SHOC1: variants seen among roughly 807,000 people sequenced by gnomAD.
SHOC1 encodes the protein shortage in chiasmata 1.
Under a neutral mutation model 179.2 loss-of-function variants are expected in SHOC1, and 136 were observed. That is an observed-to-expected ratio of 0.76 (90% CI 0.66 to 0.87). SHOC1 has a LOEUF of 0.87. Ranked by LOEUF, SHOC1 falls within the 40% of genes least tolerant of loss-of-function variation. The probability of loss-of-function intolerance (pLI) is 0.00; values close to 1 mark genes in which losing one functional copy is unlikely to be tolerated. For synonymous variants in SHOC1, 489 were observed against 586.6 expected (o/e 0.83, Z 2.41); for missense variants, 1,538 against 1,700.8 (o/e 0.90, Z 1.68).
intron 2 of SHOC1, 78 bp downstream of exon 2, chr9:111,791,296 T>G: frequency 1.4e-6 from 1 of 730,278 alleles, no homozygotes; most frequent in South Asian, 4.1e-5. Context: ...TAAGGGATAC[T>G]CAACCTATAT....
At chr9:111,746,674 A>T (rs573001847) in intron 9 of SHOC1, among the ~76,000 whole-genome samples, 20 of 152,304 alleles carry the variant, frequency 1.3e-4, no homozygotes, top group Admixed American at 5.2e-4. Flanking sequence ...GTCTCTAAAA[A>T]AAATAAATAA....
chr9:111,714,424 G>T (rs369289835), intron 17 of SHOC1, 21 bp downstream of exon 17: 3 of 1,605,368 alleles, frequency 1.9e-6, no homozygotes, highest in Non-Finnish European at 2.6e-6. Flanking sequence ...TTATTTTACC[G>T]GCTTTATTCC....
intron 24 of SHOC1, 83 bp downstream of exon 24, chr9:111,699,871 T>G (rs1831879271): frequency 1.3e-6 from 1 of 767,058 alleles, no homozygotes; most frequent in Non-Finnish European, 2.2e-6. Flanking sequence ...TGCTTAACAC[T>G]TTTTTCTCAT....
At chr9:111,781,724 GTAAA>G (rs58575917) in intron 3 of SHOC1, among the ~76,000 whole-genome samples, 6 of 135,046 alleles carry the variant, frequency 4.4e-5, no homozygotes, top group Non-Finnish European at 6.6e-5. Context: ...GTGAGACTCT[GTAAA>G]TAAATAAATA....
intron 27 of SHOC1, among the ~76,000 whole-genome samples, chr9:111,690,132 G>T (rs182648420): frequency 7.6e-4 from 116 of 152,176 alleles, no homozygotes; most frequent in African/African-American, 2.7e-3. Flanking sequence ...CATATTAAAA[G>T]AATCTCTTAG....
At chr9:111,744,039 T>G (rs1452443110) in intron 10 of SHOC1, among the ~76,000 whole-genome samples, 2 of 152,230 alleles carry the variant, frequency 1.3e-5, no homozygotes, top group African/African-American at 4.8e-5. Flanking sequence ...TCATAAATTC[T>G]TATTAGATAT....
At chr9:111,776,076 A>G in intron 4 of SHOC1, 101 bp from the exon 5 acceptor site, 2 of 805,428 alleles carry the variant, frequency 2.5e-6, no homozygotes, top group South Asian at 1.7e-5. Flanking sequence ...ATCAAATTCC[A>G]ACAGACACAG....
intron 5 of SHOC1, among the ~76,000 whole-genome samples, chr9:111,773,241 A>AT (rs1435172244): frequency 6.6e-6 from 1 of 152,178 alleles, no homozygotes; most frequent in African/African-American, 2.4e-5. Context: ...ACTGCTTTTT[A>AT]TTGTAAACTT....
At chr9:111,754,505 T>C (rs377066291) in intron 8 of SHOC1, among the ~76,000 whole-genome samples, 25 of 152,288 alleles carry the variant, frequency 1.6e-4, no homozygotes, top group African/African-American at 5.8e-4. Flanking sequence ...TCACACATTG[T>C]TGGTGGGAAT....
At chr9:111,763,177 T>G (rs932177429) in intron 5 of SHOC1, among the ~76,000 whole-genome samples, 1 of 151,088 alleles carries the variant, frequency 6.6e-6, no homozygotes, top group Non-Finnish European at 1.5e-5. Context: ...TGAAGAAAAA[T>G]TTTAAACTTT....
At chr9:111,734,625 G>A (rs1017246963) in intron 12 of SHOC1, among the ~76,000 whole-genome samples, 10 of 152,196 alleles carry the variant, frequency 6.6e-5, no homozygotes, top group East Asian at 3.9e-4. Context: ...TTAGGTTACC[G>A]TTGAACCTGG....
intron 21 of SHOC1, 84 bp downstream of exon 21, chr9:111,705,161 GAA>G (rs1832189614): frequency 5.0e-6 from 1 of 198,068 alleles, no homozygotes; most frequent in African/African-American, 5.1e-5. Context: ...TAGCCTATCA[GAA>G]TATATATACA....
intron 22 of SHOC1, 135 bp from the exon 23 acceptor site, chr9:111,702,361 G>T: frequency 1.7e-6 from 1 of 594,108 alleles, no homozygotes; most frequent in Non-Finnish European, 2.8e-6. Flanking sequence ...CCATTTCATG[G>T]AAAAATTAAA....
At chr9:111,702,479 G>A (rs1193451723) in intron 22 of SHOC1, among the ~76,000 whole-genome samples, 3 of 152,182 alleles carry the variant, frequency 2.0e-5, no homozygotes, top group African/African-American at 7.2e-5. Context: ...TATGAAGAAA[G>A]TAGCCTATGG....
intron 5 of SHOC1, among the ~76,000 whole-genome samples, chr9:111,761,464 T>C (rs2131579052): frequency 6.6e-6 from 1 of 152,240 alleles, no homozygotes; most frequent in South Asian, 2.1e-4. Context: ...ATCACACCAC[T>C]GCACTCCAGC....
chr9:111,710,884 A>G (rs1832513504), intron 18 of SHOC1, among the ~76,000 whole-genome samples: 1 of 152,198 alleles, frequency 6.6e-6, no homozygotes, highest in Non-Finnish European at 1.5e-5. Flanking sequence ...GGTAAGAGTA[A>G]AGAACTATTT....
rs372656232 is a variant in SHOC1, at chr9:111,692,149, T to A, written c.3828A>T (p.Ser1276=). The change falls in exon 27 of 28, where the codon TCA becomes TCT. Residue 1276 remains serine, a synonymous_variant. Coordinates refer to ENST00000682961, the MANE Select transcript of SHOC1 (RefSeq NM_001378211.1). ...QNTPFLINIE[S]RRPAYNSFLN... ...GAAAGGAGTTATAAGCCGGTCTCCT[T>A]GATTCTATATTAATTAGAAAAGGAG... The A allele has an allele frequency of 1.9e-6, 3 of 1,613,644 alleles. No individual in the cohort carries two copies. In the African/African-American group the frequency reaches 4.0e-5, roughly 22 times the overall value.
chr9:111,741,420 G>T, intron 11 of SHOC1, 56 bp downstream of exon 11: 1 of 979,904 alleles, frequency 1.0e-6, no homozygotes, highest in Non-Finnish European at 1.6e-6. Context: ...ATTTCTACTC[G>T]TTGTACCTTT....
chr9:111,708,444 C>A (rs1488202300), intron 18 of SHOC1, among the ~76,000 whole-genome samples: 1 of 152,096 alleles, frequency 6.6e-6, no homozygotes, highest in Non-Finnish European at 1.5e-5. Flanking sequence ...CTCAAGTGAA[C>A]CCCCACCTCA....
Sources: allele counts gnomAD v4.1 joint callset (sites outside exome capture counted in the v4.1 genomes callset), GRCh38; gene constraint gnomAD v4.1.1; transcripts MANE v1.5; gene names NCBI Gene and HGNC (gene_info 2026-07-23, HGNC 2026-07-21).